The following PHF21A variants were observed in gnomAD, a reference collection of about 807,000 sequenced individuals.
PHF21A encodes the protein PHD finger protein 21A.
Under a neutral mutation model 82.5 loss-of-function variants are expected in PHF21A, and 11 were observed. The observed-to-expected ratio is 0.13, with a 90% CI of 0.08 to 0.22. PHF21A has a LOEUF of 0.22. Ranked by LOEUF, PHF21A falls within the 10% of genes least tolerant of loss-of-function variation. The pLI is 1.00. For missense variants in PHF21A, 579 were observed against 837.8 expected, an observed-to-expected ratio of 0.69 and a Z score of 3.81; for synonymous variants, 297 against 302.8, an observed-to-expected ratio of 0.98 and a Z score of 0.20.
At chr11:45,967,329 C>T (rs1308805579) in intron 9 of PHF21A, among the ~76,000 whole-genome samples, 3 of 150,802 alleles carry the variant, frequency 2.0e-5, no homozygotes, top group Non-Finnish European at 4.4e-5. Flanking sequence ...GATAGTGCCA[C>T]TGCACTCCAG....
chr11:46,047,441 T>C (rs1184355964), intron 6 of PHF21A, among the ~76,000 whole-genome samples: 1 of 152,136 alleles, frequency 6.6e-6, no homozygotes, highest in Admixed American at 6.6e-5. Flanking sequence ...GCCCAAGAGA[T>C]AGGAAATATT....
At chr11:45,981,934 G>GTTTTTTTTTTT (rs2094305662) in intron 6 of PHF21A, among the ~76,000 whole-genome samples, 1 of 88,016 alleles carries the variant, frequency 1.1e-5, no homozygotes, top group Admixed American at 1.1e-4. Flanking sequence ...CTCTCTTTTT[G>GTTTTTTTTTTT]TTTTTCTTTT....
intron 18 of PHF21A, chr11:45,935,223 G>A (rs780597546): frequency 6.8e-5 from 88 of 1,293,892 alleles, no homozygotes; most frequent in Admixed American, 2.5e-4. Context: ...AGGGCCGTAC[G>A]GATGGGCCCA....
intron 7 of PHF21A, among the ~76,000 whole-genome samples, chr11:45,976,097 C>T (rs7128184): frequency 0.33 from 50,287 of 151,942 alleles, 9,454 homozygotes; most frequent in East Asian, 0.8. Flanking sequence ...TCCTCTCCAT[C>T]GTTTCGTGGA....
chr11:45,989,490 T>TAAAAAAAAAAAA (rs57370032), intron 6 of PHF21A, among the ~76,000 whole-genome samples: 8 of 100,878 alleles, frequency 7.9e-5, no homozygotes, highest in East Asian at 5.5e-4. Context: ...CCATCTCTAC[T>TAAAAAAAAAAAA]AAAAAAAAAA....
At chr11:45,944,328 T>C (rs1207603474) in intron 15 of PHF21A, among the ~76,000 whole-genome samples, 1 of 152,212 alleles carries the variant, frequency 6.6e-6, no homozygotes, top group Non-Finnish European at 1.5e-5. Context: ...GTGTGTATGG[T>C]AGGTGAGAAG....
chr11:46,052,755 T>C (rs999608743), intron 6 of PHF21A, among the ~76,000 whole-genome samples: 1 of 152,222 alleles, frequency 6.6e-6, no homozygotes, highest in East Asian at 1.9e-4. Flanking sequence ...GTTAATCACC[T>C]AGTAAGTCTT....
intron 6 of PHF21A, among the ~76,000 whole-genome samples, chr11:45,984,540 G>A (rs1451165064): frequency 6.6e-6 from 1 of 152,202 alleles, no homozygotes; most frequent in African/African-American, 2.4e-5. Context: ...GACAGATCCT[G>A]AAGAAAAATA....
At chr11:45,946,172 A>T in intron 14 of PHF21A, 169 bp from the exon 15 acceptor site, 1 of 1,447,950 alleles carries the variant, frequency 6.9e-7, no homozygotes, top group South Asian at 1.2e-5. Context: ...AGAGAAGCAA[A>T]GATTTAAATG....
At chr11:46,102,805 G>A (rs773962478) in intron 1 of PHF21A, among the ~76,000 whole-genome samples, 1 of 152,186 alleles carries the variant, frequency 6.6e-6, no homozygotes, top group Non-Finnish European at 1.5e-5. Flanking sequence ...CCCAAAGTAG[G>A]GGGTATCCCC....
intron 6 of PHF21A, among the ~76,000 whole-genome samples, chr11:46,050,118 G>A (rs1034406800): frequency 2.0e-5 from 3 of 152,242 alleles, no homozygotes; most frequent in African/African-American, 7.2e-5. Context: ...GAAAGGAAAT[G>A]CTTCACGCCA....
At chr11:45,969,762 G>C in intron 9 of PHF21A, 53 bp downstream of exon 9, 1 of 1,218,234 alleles carries the variant, frequency 8.2e-7, no homozygotes. Context: ...AAGAGCCCAT[G>C]AGGATTTCTG....
In PHF21A at chr11:45,945,871, G is replaced by A. The variant is rs2091211996; in HGVS notation, c.1421C>T (p.Pro474Leu). ...TTFTFPAPVQ[P>L]VSLPSPTSTD... ...GGAGGTGGGGCTGGGCAGGGACACA[G>A]GCTGAACAGGTGCAGGGAAAGTGAA... The change falls in exon 15 of 19, where the codon CCT becomes CTT. Residue 474 changes from proline (P) to leucine (L), a missense_variant. This residue lies in a region of PHF21A where 410 missense variants were observed against 642.1 expected (regional missense o/e 0.64). Transcript: ENST00000676320. The A allele has an allele frequency of 1.2e-6, 2 of 1,604,354 alleles. No homozygotes were observed. Among genetic ancestry groups the A allele is most frequent in the Non-Finnish European group, 1.7e-6 (2 of 1,175,064 alleles).
intron 8 of PHF21A, 124 bp from the exon 9 acceptor site, chr11:45,970,028 A>G: frequency 8.1e-6 from 6 of 737,746 alleles, no homozygotes; most frequent in South Asian, 7.6e-5. Context: ...ATCGTAAGTT[A>G]ATCATCTGAA....
chr11:46,100,235 G>A lies in PHF21A; in HGVS notation c.-236-8012C>T, dbSNP rs2097074853. Among the ~76,000 whole-genome samples the A allele has an allele frequency of 2.0e-5, 3 of 151,750 alleles. 1 individual carries two copies. The South Asian group carries it at 6.2e-4, about 32-fold the overall frequency. On this transcript the variant is annotated intron_variant, in intron 1 of 18. Coordinates refer to ENST00000676320, the MANE Select transcript of PHF21A (RefSeq NM_001352027.3). ...AAGACCAAAAATATGTTATGTTACA[G>A]AAGACTGAAATCAGGGCTTCCATTA...
At chr11:45,987,008 T>C (rs1196500279) in intron 6 of PHF21A, among the ~76,000 whole-genome samples, 2 of 152,178 alleles carry the variant, frequency 1.3e-5, no homozygotes, top group South Asian at 2.1e-4. Context: ...TGTGGAAATC[T>C]AGGTACATCC....
chr11:46,086,987 C>T (rs919500833), intron 3 of PHF21A, among the ~76,000 whole-genome samples: 1 of 152,144 alleles, frequency 6.6e-6, no homozygotes, highest in Non-Finnish European at 1.5e-5. Context: ...AGAAATATAA[C>T]TAAGATTATA....
In PHF21A at chr11:46,100,721, G is replaced by C. The variant is rs911136321; in HGVS notation, c.-236-8498C>G. ...TGAGATGGAATAATTACACCTGTGG[G>C]TCTAATTTAAACTAATGCAACCAAA... On this transcript the variant is annotated intron_variant, in intron 1 of 18. Transcript: ENST00000676320. 2.0e-5 allele frequency among the ~76,000 whole-genome samples: 3 copies of C among 152,142 alleles called. No homozygotes were observed. In the East Asian group the frequency reaches 5.8e-4, roughly 29 times the overall value.
intron 17 of PHF21A, 29 bp downstream of exon 17, chr11:45,936,465 C>T: frequency 7.3e-7 from 1 of 1,379,264 alleles, no homozygotes; most frequent in Non-Finnish European, 1.0e-6. Context: ...GGGAAGCTTA[C>T]AAAAAAGTGG....
Sources: gnomAD v4.1 joint callset for allele counts (sites outside exome capture counted in the v4.1 genomes callset) on GRCh38, gnomAD v4.1.1 for gene constraint, gnomAD v4.1.1 regional missense constraint, MANE v1.5 for transcripts, NCBI Gene and HGNC (gene_info 2026-07-23, HGNC 2026-07-21) for gene names.